CSMD1: variants seen among roughly 807,000 people sequenced by gnomAD.
The protein encoded by CSMD1 is CUB and Sushi multiple domains 1.
A neutral mutation model predicts 417.5 loss-of-function variants in CSMD1; 213 were observed. That is an observed-to-expected ratio of 0.51 (90% CI 0.46 to 0.57). The LOEUF (loss-of-function observed/expected upper bound fraction) is 0.57, where lower values mean the gene tolerates loss of function less well. CSMD1 is among the 20% of genes least tolerant of loss of function. The probability of loss-of-function intolerance (pLI) is 0.00; values close to 1 mark genes in which losing one functional copy is unlikely to be tolerated. For missense variants in CSMD1, 6,923 were observed against 4,529.7 expected, an observed-to-expected ratio of 1.53 and a Z score of -15.17; for synonymous variants, 2,862 against 1,736.8, an observed-to-expected ratio of 1.65 and a Z score of -16.11.
At chr8:4,319,945 G>C (rs1239559737) in intron 3 of CSMD1, among the ~76,000 whole-genome samples, 1 of 152,086 alleles carries the variant, frequency 6.6e-6, no homozygotes, top group Non-Finnish European at 1.5e-5. Context: ...GCTTGCACAA[G>C]GCCAATGTTT....
intron 50 of CSMD1, among the ~76,000 whole-genome samples, chr8:3,037,037 T>C (rs903621439): frequency 2.6e-5 from 4 of 152,252 alleles, no homozygotes; most frequent in Non-Finnish European, 5.9e-5. Flanking sequence ...TGCATCCCTA[T>C]AGATGGGCTC....
At chr8:4,366,400 C>A (rs989417308) in intron 3 of CSMD1, among the ~76,000 whole-genome samples, 1 of 152,164 alleles carries the variant, frequency 6.6e-6, no homozygotes, top group African/African-American at 2.4e-5. Flanking sequence ...TATGCATGCA[C>A]GTGTCTTTTT....
intron 18 of CSMD1, among the ~76,000 whole-genome samples, chr8:3,382,707 G>A (rs936955086): frequency 6.6e-6 from 1 of 150,534 alleles, no homozygotes; most frequent in Non-Finnish European, 1.5e-5. Flanking sequence ...GCTTATTAGT[G>A]TTGCATTTCT....
intron 4 of CSMD1, among the ~76,000 whole-genome samples, chr8:4,017,541 G>T (rs137871563): frequency 6.6e-6 from 1 of 152,126 alleles, no homozygotes; most frequent in Non-Finnish European, 1.5e-5. Flanking sequence ...CCCGATCTCA[G>T]ATGATCCACC....
chr8:4,826,688 G>C (rs1409302252), intron 1 of CSMD1, among the ~76,000 whole-genome samples: 1 of 152,066 alleles, frequency 6.6e-6, no homozygotes, highest in African/African-American at 2.4e-5. Context: ...CTCATTCTAA[G>C]CTCCTTTCCC....
chr8:4,083,475 A>C (rs192275485), intron 3 of CSMD1, among the ~76,000 whole-genome samples: 1 of 152,206 alleles, frequency 6.6e-6, no homozygotes, highest in South Asian at 2.1e-4. Flanking sequence ...ACAGCATGGT[A>C]CTGGTACCAA....
At chr8:4,150,738 G>A (rs1027867201) in intron 3 of CSMD1, among the ~76,000 whole-genome samples, 1 of 152,104 alleles carries the variant, frequency 6.6e-6, no homozygotes, top group African/African-American at 2.4e-5. Context: ...AGATTAAAAA[G>A]GAATTTCAAA....
At chr8:4,820,893 T>A (rs999225378) in intron 1 of CSMD1, among the ~76,000 whole-genome samples, 29 of 152,196 alleles carry the variant, frequency 1.9e-4, no homozygotes, top group African/African-American at 7.0e-4. Context: ...TGATTTGAGA[T>A]TTTTCTCTTA....
intron 12 of CSMD1, among the ~76,000 whole-genome samples, chr8:3,464,942 C>G (rs1816714020): frequency 6.6e-6 from 1 of 152,044 alleles, no homozygotes; most frequent in African/African-American, 2.4e-5. Context: ...CCATAATTTG[C>G]TTAGGGGAAA....
At chr8:3,103,651 G>C (rs143278517) in intron 46 of CSMD1, among the ~76,000 whole-genome samples, 1 of 152,008 alleles carries the variant, frequency 6.6e-6, no homozygotes, top group Non-Finnish European at 1.5e-5. Context: ...TGCAGTGCGT[G>C]ATTATTCTCT....
At chr8:3,334,170 T>C (rs1807090306) in intron 23 of CSMD1, among the ~76,000 whole-genome samples, 1 of 152,188 alleles carries the variant, frequency 6.6e-6, no homozygotes, top group Non-Finnish European at 1.5e-5. Flanking sequence ...CATCAACCTT[T>C]TCAAGGTATC....
intron 3 of CSMD1, among the ~76,000 whole-genome samples, chr8:4,204,738 T>A (rs1490476164): frequency 6.6e-6 from 1 of 152,190 alleles, no homozygotes; most frequent in African/African-American, 2.4e-5. Flanking sequence ...CACTGCAGCC[T>A]CAACCTCCCA....
intron 3 of CSMD1, among the ~76,000 whole-genome samples, chr8:4,106,779 T>G (rs1801590233): frequency 6.6e-6 from 1 of 152,112 alleles, no homozygotes; most frequent in African/African-American, 2.4e-5. Context: ...GCGGCCACAG[T>G]GGCTGACGGC....
intron 12 of CSMD1, among the ~76,000 whole-genome samples, chr8:3,441,703 C>T (rs917199329): frequency 6.6e-6 from 1 of 152,088 alleles, no homozygotes; most frequent in Non-Finnish European, 1.5e-5. Context: ...ACCTACTGTG[C>T]TGCCAGCCAT....
chr8:3,027,244 C>T (rs142639783), intron 51 of CSMD1, among the ~76,000 whole-genome samples: 40 of 152,204 alleles, frequency 2.6e-4, no homozygotes, highest in African/African-American at 8.4e-4. Context: ...ACAATATACT[C>T]CATGTCAGCT....
intron 49 of CSMD1, among the ~76,000 whole-genome samples, chr8:3,053,892 A>T (rs1320221468): frequency 6.6e-6 from 1 of 152,262 alleles, no homozygotes; most frequent in East Asian, 1.9e-4. Flanking sequence ...GATATTGTTC[A>T]CACCATGGAT....
intron 3 of CSMD1, among the ~76,000 whole-genome samples, chr8:4,202,653 A>G (rs548659756): frequency 1.3e-5 from 2 of 152,336 alleles, no homozygotes; most frequent in East Asian, 1.9e-4. Context: ...AATACAACCA[A>G]CCCTGTAGCT....
chr8:4,005,168 G>C (rs921255851), intron 4 of CSMD1, among the ~76,000 whole-genome samples: 3 of 152,112 alleles, frequency 2.0e-5, no homozygotes, highest in Admixed American at 6.6e-5. Flanking sequence ...GGGGATAAAA[G>C]ACAACATATA....
At chr8:4,125,682 T>C (rs992514876) in intron 3 of CSMD1, among the ~76,000 whole-genome samples, 1 of 152,224 alleles carries the variant, frequency 6.6e-6, no homozygotes, top group Non-Finnish European at 1.5e-5. Flanking sequence ...TTGTCCTTGT[T>C]CATTCCTGGG....
Sources: allele counts gnomAD v4.1 joint callset (sites outside exome capture counted in the v4.1 genomes callset), GRCh38; gene constraint gnomAD v4.1.1; transcripts MANE v1.5; gene names NCBI Gene and HGNC (gene_info 2026-07-23, HGNC 2026-07-21).